Variants in C1orf21 observed in about 807,000 individuals in gnomAD.
The protein encoded by C1orf21 is chromosome 1 open reading frame 21.
In C1orf21, 3 loss-of-function variants were observed where a neutral mutation model predicts 18.7. That is an observed-to-expected ratio of 0.16 (90% confidence interval 0.07 to 0.42). C1orf21 has a LOEUF of 0.42. Ranked by LOEUF, C1orf21 falls within the 10% of genes least tolerant of loss-of-function variation. The pLI is 0.99. For synonymous variants in C1orf21, 41 were observed against 46.4 expected (o/e 0.88, Z 0.47); for missense variants, 104 against 143.6 (o/e 0.72, Z 1.41).
intron 3 of C1orf21, among the ~76,000 whole-genome samples, chr1:184,546,544 C>T (rs1039745936): frequency 2.0e-5 from 3 of 152,158 alleles, no homozygotes; most frequent in Non-Finnish European, 4.4e-5. Flanking sequence ...ATGGATCTTA[C>T]CATCTAATGG....
At chr1:184,406,194 A>G (rs1028940353) in intron 1 of C1orf21, among the ~76,000 whole-genome samples, 1 of 152,224 alleles carries the variant, frequency 6.6e-6, no homozygotes, top group African/African-American at 2.4e-5. Flanking sequence ...TGAACTCAAT[A>G]GAATAAAATA....
At chr1:184,547,312 G>T (rs570767529) in intron 3 of C1orf21, among the ~76,000 whole-genome samples, 3 of 151,874 alleles carry the variant, frequency 2.0e-5, no homozygotes, top group Admixed American at 2.0e-4. Flanking sequence ...TTTATATCAG[G>T]GTCTGAATTA....
At chr1:184,475,586 G>C (rs539178126) in intron 1 of C1orf21, among the ~76,000 whole-genome samples, 1 of 152,130 alleles carries the variant, frequency 6.6e-6, no homozygotes, top group Non-Finnish European at 1.5e-5. Flanking sequence ...ACCACAATCA[G>C]AGCTTGTATT....
At chr1:184,423,884 T>A (rs189720861) in intron 1 of C1orf21, among the ~76,000 whole-genome samples, 1 of 151,194 alleles carries the variant, frequency 6.6e-6, no homozygotes, top group Non-Finnish European at 1.5e-5. Flanking sequence ...CATCCATCCA[T>A]CCATCCATCC....
intron 3 of C1orf21, among the ~76,000 whole-genome samples, chr1:184,529,736 T>C (rs2101972546): frequency 1.3e-5 from 2 of 151,892 alleles, no homozygotes; most frequent in South Asian, 4.2e-4. Flanking sequence ...AAGACAGCAG[T>C]GGAAGGAAGG....
In C1orf21 at chr1:184,525,029, T is replaced by C. The variant is rs181649766; in HGVS notation, c.189+17347T>C. 3.5e-4 allele frequency among the ~76,000 whole-genome samples: 53 copies of C among 151,836 alleles called. 1 individual carries two copies. In the East Asian group the frequency reaches 0.01, roughly 29 times the overall value. ...GTTGGAAGAATGGCAAATTTTTTTC[T>C]CCCTAAAGAGTGAAAGTCTCTTACA... On this transcript the variant is annotated intron_variant, in intron 3 of 5. Coordinates refer to ENST00000235307, the MANE Select transcript of C1orf21 (RefSeq NM_030806.4).
intron 3 of C1orf21, among the ~76,000 whole-genome samples, chr1:184,535,687 G>C (rs1264313068): frequency 6.6e-6 from 1 of 152,208 alleles, no homozygotes. Flanking sequence ...GTGGTTTCTT[G>C]GATGTGTGCT....
chr1:184,445,083 C>G (rs898050210), intron 1 of C1orf21, among the ~76,000 whole-genome samples: 11 of 152,088 alleles, frequency 7.2e-5, no homozygotes, highest in African/African-American at 2.7e-4. Context: ...GTAGAGACAA[C>G]GGTTGAGTTG....
intron 2 of C1orf21, among the ~76,000 whole-genome samples, chr1:184,497,047 T>C (rs1052876723): frequency 2.0e-5 from 3 of 152,238 alleles, no homozygotes; most frequent in South Asian, 4.1e-4. Flanking sequence ...CCTACCTTTC[T>C]TTGGTTGATT....
rs180974406 is a variant in C1orf21 at position 184,391,897 on chromosome 1, A to G, written c.-125+4529A>G. The stretch of plus-strand genomic sequence containing the variant: ...TAATTTTTGTATTTTTAGTAGAGAC[A>G]GGGTTTTGCCATGTTGGCCAGGATG... On this transcript the variant is annotated intron_variant, in intron 1 of 5. Transcript: ENST00000235307. Among the ~76,000 whole-genome samples the G allele has an allele frequency of 3.2e-3, 494 of 152,144 alleles. 1 individual carries two copies. Among genetic ancestry groups the G allele is most frequent in the Non-Finnish European group, 4.9e-3 (334 of 67,994 alleles).
chr1:184,599,288 TTC>T (rs1008729207), intron 5 of C1orf21: 3 of 152,248 alleles, frequency 2.0e-5, no homozygotes, highest in Admixed American at 6.5e-5. Context: ...TTTGAAATCT[TTC>T]TGTTTTAATT....
intron 2 of C1orf21, among the ~76,000 whole-genome samples, chr1:184,499,672 A>G (rs74708896): frequency 1.5e-5 from 2 of 136,872 alleles, no homozygotes; most frequent in Non-Finnish European, 3.1e-5. Context: ...TTGTGGTAGG[A>G]AAAAAAAAAA....
intron 1 of C1orf21, among the ~76,000 whole-genome samples, chr1:184,458,919 T>C (rs1657261952): frequency 6.6e-6 from 1 of 152,236 alleles, no homozygotes; most frequent in African/African-American, 2.4e-5. Context: ...ACCTTTATTA[T>C]TAAATTTCCG....
At chr1:184,560,818 C>G (rs1041453484) in intron 3 of C1orf21, among the ~76,000 whole-genome samples, 1 of 152,196 alleles carries the variant, frequency 6.6e-6, no homozygotes, top group African/African-American at 2.4e-5. Flanking sequence ...TAATTCTTCA[C>G]TTTACATTGA....
At chr1:184,427,768 C>T (rs1656665224) in intron 1 of C1orf21, among the ~76,000 whole-genome samples, 1 of 152,152 alleles carries the variant, frequency 6.6e-6, no homozygotes, top group Admixed American at 6.5e-5. Context: ...CCATCTTTGC[C>T]ATCGGCCTTG....
intron 3 of C1orf21, among the ~76,000 whole-genome samples, chr1:184,570,009 A>G (rs529881669): frequency 9.2e-5 from 14 of 152,308 alleles, no homozygotes; most frequent in Non-Finnish European, 1.8e-4. Flanking sequence ...TCCTCTTGAT[A>G]ATAGGTAAAG....
intron 3 of C1orf21, among the ~76,000 whole-genome samples, chr1:184,575,540 T>C (rs1409249509): frequency 8.3e-6 from 1 of 120,954 alleles, no homozygotes; most frequent in Non-Finnish European, 1.7e-5. Flanking sequence ...GAAGAAGTAA[T>C]AAATGAAAAC....
chr1:184,587,872 CCTAAAGTG>C (rs1201300186), intron 3 of C1orf21, among the ~76,000 whole-genome samples: 1 of 152,046 alleles, frequency 6.6e-6, no homozygotes, highest in Non-Finnish European at 1.5e-5. Context: ...GCCTCAGCCT[CCTAAAGTG>C]CTAGGATTGC....
At chr1:184,599,906 G>A (rs1459868090) in intron 5 of C1orf21, among the ~76,000 whole-genome samples, 5 of 152,052 alleles carry the variant, frequency 3.3e-5, no homozygotes, top group Non-Finnish European at 7.4e-5. Context: ...TCCAAAATTC[G>A]GAAACGTTTG....
Sources: gnomAD v4.1 joint callset for allele counts (sites outside exome capture counted in the v4.1 genomes callset) on GRCh38, gnomAD v4.1.1 for gene constraint, MANE v1.5 for transcripts, NCBI Gene and HGNC (gene_info 2026-07-23, HGNC 2026-07-21) for gene names.